FAAP20: variants seen among roughly 807,000 people sequenced by gnomAD.
FAAP20 encodes FA core complex associated protein 20.
A neutral mutation model predicts 16.2 loss-of-function variants in FAAP20; 12 were observed. The ratio of observed to expected loss-of-function variants is 0.74; its 90% CI spans 0.48 to 1.20. FAAP20 has a LOEUF of 1.20. Ranked by LOEUF, FAAP20 falls within the 50% of genes most tolerant of loss-of-function variation. The pLI, the probability that FAAP20 is intolerant of heterozygous loss-of-function variation, is 0.00. For missense variants in FAAP20, 288 were observed against 245.8 expected (o/e 1.17, Z -1.15); for synonymous variants, 141 against 110.7 (o/e 1.27, Z -1.72).
upstream of FAAP20, chr1:2,201,348 C>T (rs938106741): frequency 1.3e-5 from 10 of 769,746 alleles, no homozygotes; most frequent in East Asian, 1.0e-4. Context: ...CTGGGACACC[C>T]GTGGGCAGGG....
Position 2,194,135 on chromosome 1 carries a change from TGGGGCAGACAGAG to T in FAAP20, c.63-15_63-3del. 1 of 1,611,358 alleles carries T rather than the reference TGGGGCAGACAGAG, an allele frequency of 6.2e-7. No homozygotes were observed. The highest frequency in any genetic ancestry group is 8.5e-7 in the Non-Finnish European group (1 of 1,179,590). On this transcript the variant is annotated splice_region_variant and splice_polypyrimidine_tract_variant and intron_variant, in intron 1 of 3. Transcript: ENST00000378546. ...AACCAGGGGCGGCCGCCAGAAGGCC[TGGGGCAGACAGAG>T]AGGGCAGACAGGGGGTACTCAGTAG...
At chr1:2,194,780 AGCCCCGCCCCCGCCCCTCCAG>A (rs974191866), upstream of FAAP20, 345 of 1,148,214 alleles carry the variant, frequency 3.0e-4, no homozygotes, top group Middle Eastern at 7.2e-4. Flanking sequence ...AGTGAGCGCA[AGCCCCGCCCCCGCCCCTCCAG>A]GCCCCGCCCC....
chr1:2,190,870 G>A (rs1688146686), intron 3 of FAAP20: 1 of 181,074 alleles, frequency 5.5e-6, no homozygotes, highest in South Asian at 1.0e-4. Context: ...TCCACGGCGC[G>A]CCGTTTTACC....
At chr1:2,189,019 A>AAC (rs966550827), downstream of FAAP20, among the ~76,000 whole-genome samples, 7 of 145,286 alleles carry the variant, frequency 4.8e-5, no homozygotes, top group African/African-American at 1.6e-4. Context: ...AAGAAAAAAA[A>AAC]AAAAAAAAAC....
At chr1:2,203,035 C>T (rs888458658), upstream of FAAP20, among the ~76,000 whole-genome samples, 2 of 152,204 alleles carry the variant, frequency 1.3e-5, no homozygotes, top group African/African-American at 4.8e-5. Flanking sequence ...GCTGTCCATC[C>T]GAGTGGGACA....
downstream of FAAP20, among the ~76,000 whole-genome samples, chr1:2,210,163 C>T (rs547250879): frequency 1.5e-3 from 229 of 152,316 alleles, 1 homozygote; most frequent in Non-Finnish European, 2.2e-3. Context: ...CTGCCTCGTG[C>T]CCAGACCTGC....
downstream of FAAP20, chr1:2,185,354 C>T (rs777654173): frequency 1.4e-6 from 1 of 718,782 alleles, no homozygotes; most frequent in Non-Finnish European, 2.6e-6. Context: ...GGAAAGTGAG[C>T]GTGTAGCGTC....
chr1:2,206,996 G>A (rs1455267887), intron 1 of FAAP20, among the ~76,000 whole-genome samples: 3 of 152,192 alleles, frequency 2.0e-5, no homozygotes, highest in Admixed American at 6.5e-5. Flanking sequence ...GGACAAACCC[G>A]AAAACACGGC....
downstream of FAAP20, chr1:2,184,694 G>A (rs901650050): frequency 3.7e-6 from 6 of 1,612,590 alleles, no homozygotes; most frequent in African/African-American, 2.7e-5. Flanking sequence ...GACCCCAGAC[G>A]ATGAGTGAGT....
At chr1:2,198,342 G>C (rs1489782347), upstream of FAAP20, 1 of 436,822 alleles carries the variant, frequency 2.3e-6, no homozygotes, top group African/African-American at 2.1e-5. Context: ...GGTGGGCTAG[G>C]AGGCCCCTTA....
intron 3 of FAAP20, chr1:2,193,144 C>G: frequency 2.0e-6 from 1 of 508,066 alleles, no homozygotes; most frequent in Non-Finnish European, 3.1e-6. Context: ...GACACAAGGC[C>G]AGGCACTGGG....
chr1:2,209,869 G>A (rs1044402552), downstream of FAAP20, among the ~76,000 whole-genome samples: 2 of 152,300 alleles, frequency 1.3e-5, no homozygotes, highest in African/African-American at 2.4e-5. Flanking sequence ...AGAGCTTGTC[G>A]GAGGAGGCGC....
intron 3 of FAAP20, chr1:2,190,238 G>C (rs542082104): frequency 3.1e-4 from 143 of 457,974 alleles, no homozygotes; most frequent in African/African-American, 2.1e-3. Context: ...TCAGAGAATT[G>C]GTGTTTCTGG....
chr1:2,188,554 G>A (rs929073196), downstream of FAAP20, among the ~76,000 whole-genome samples: 2 of 152,152 alleles, frequency 1.3e-5, no homozygotes, highest in Non-Finnish European at 2.9e-5. Flanking sequence ...TAATCCCATC[G>A]AGAGGCGCCG....
At chr1:2,193,008 G>A (rs1270286170) in intron 3 of FAAP20, 2 of 1,303,558 alleles carry the variant, frequency 1.5e-6, no homozygotes, top group Non-Finnish European at 2.0e-6. Flanking sequence ...CATGACTGAA[G>A]GACCTGGTCT....
At chr1:2,201,007 T>G (rs1217618715), upstream of FAAP20, 3 of 1,262,564 alleles carry the variant, frequency 2.4e-6, no homozygotes, top group Admixed American at 4.7e-5. Context: ...TGTCCTGAGA[T>G]GAGATGCTGC....
upstream of FAAP20, chr1:2,203,482 C>T: frequency 1.0e-6 from 1 of 985,742 alleles, no homozygotes; most frequent in South Asian, 4.7e-5. Flanking sequence ...CACAGGTGTT[C>T]TCGCTCTGGG....
At chr1:2,197,888 C>T (rs1407633979), upstream of FAAP20, 49 of 1,109,308 alleles carry the variant, frequency 4.4e-5, no homozygotes, top group Non-Finnish European at 5.7e-5. Context: ...AAGCCTGACC[C>T]CCAATCCCCT....
intron 1 of FAAP20, 73 bp from the exon 2 acceptor site, chr1:2,194,206 C>T (rs1342592090): frequency 1.3e-6 from 2 of 1,575,274 alleles, no homozygotes; most frequent in African/African-American, 2.7e-5. Context: ...CCCGGGAGGG[C>T]CTGGGGCAGA....
Sources: gnomAD v4.1 joint callset for allele counts (sites outside exome capture counted in the v4.1 genomes callset) on GRCh38, gnomAD v4.1.1 for gene constraint, MANE v1.5 for transcripts, NCBI Gene and HGNC (gene_info 2026-07-23, HGNC 2026-07-21) for gene names.